The following ITGB2 variants were observed in gnomAD, a reference collection of about 807,000 sequenced individuals.
ITGB2 encodes the protein integrin subunit beta 2, also known as integrin beta-2.
ITGB2 carries 56 observed loss-of-function variants against 86.8 expected under a neutral mutation model. That is an observed-to-expected ratio of 0.65 (90% CI 0.52 to 0.81). ITGB2 has a LOEUF of 0.81. ITGB2 is among the 30% of genes least tolerant of loss of function. The pLI is 0.00. For missense variants in ITGB2, 948 were observed against 1,061.2 expected (o/e 0.89, Z 1.48); for synonymous variants, 457 against 450.4 (o/e 1.01, Z -0.19).
chr21:44,905,032 G>A (rs528099924), intron 4 of ITGB2, among the ~76,000 whole-genome samples: 75 of 152,338 alleles, frequency 4.9e-4, no homozygotes, highest in African/African-American at 1.6e-3. Context: ...GCCGTGCGGC[G>A]TCTGCAGCGA....
chr21:44,919,586 G>A (rs1601336214), intron 1 of ITGB2, among the ~76,000 whole-genome samples: 1 of 152,178 alleles, frequency 6.6e-6, no homozygotes, highest in Admixed American at 6.5e-5. Context: ...TCCAGAATCC[G>A]GCCTCAGCCC....
chr21:44,887,473 G>A (rs1250907720), intron 14 of ITGB2, among the ~76,000 whole-genome samples: 1 of 152,128 alleles, frequency 6.6e-6, no homozygotes, highest in East Asian at 1.9e-4. Flanking sequence ...ACAGACACTA[G>A]CGTTCAGTGC....
Position 44,896,922 on chromosome 21 carries a change from G to T in ITGB2, c.994-1862C>A, listed in dbSNP as rs962468873. On this transcript the variant is annotated intron_variant, in intron 8 of 15. Coordinates refer to ENST00000652462, the MANE Select transcript of ITGB2 (RefSeq NM_000211.5). ...CTGGCTGCCATGACAAATGGCAAAG[G>T]ATTGGGACCTGCTACTGCTGGTGAG... Among the ~76,000 whole-genome samples, 235 of 152,338 alleles carry T rather than the reference G, an allele frequency of 1.5e-3. 1 individual carries two copies. Among genetic ancestry groups the T allele is most frequent in the African/African-American group, 5.4e-3 (224 of 41,576 alleles).
rs558880815 is a variant in ITGB2, at chr21:44,928,657, A to G, written c.-7T>C. ...GGGTCGGGTGGGTGCCTCTTACCCT[A>G]ACTGAGGCTCTGCCCTGGACTCGGA... is the stretch of plus-strand genomic sequence containing the variant. On this transcript the variant is annotated 5_prime_UTR_variant, in exon 1 of 16. Transcript: ENST00000355153. 89 of 90,130 alleles carry G rather than the reference A, an allele frequency of 9.9e-4. 1 individual carries two copies. In the East Asian group the frequency reaches 0.027, roughly 27 times the overall value. 5.6% of individuals were successfully genotyped at this position (90,130 alleles called of 1,614,324 possible). A position where few individuals can be genotyped will look rare whatever the true frequency, so the allele number is the denominator to read the frequency against.
intron 14 of ITGB2, 113 bp downstream of exon 14, chr21:44,888,580 G>A: frequency 8.0e-7 from 1 of 1,246,068 alleles, no homozygotes; most frequent in Non-Finnish European, 1.1e-6. Flanking sequence ...CATCCACCCT[G>A]CTGGGCCCAC....
intron 8 of ITGB2, among the ~76,000 whole-genome samples, chr21:44,896,335 T>G (rs1437486378): frequency 6.6e-6 from 1 of 152,218 alleles, no homozygotes; most frequent in Non-Finnish European, 1.5e-5. Flanking sequence ...CTCTTGGCAC[T>G]CTACTGAGTT....
intron 1 of ITGB2, among the ~76,000 whole-genome samples, chr21:44,926,037 G>A (rs1016275434): frequency 3.3e-5 from 5 of 152,094 alleles, no homozygotes; most frequent in African/African-American, 4.8e-5. Context: ...CCTGGGAGGC[G>A]GAGCTTGCAG....
chr21:44,890,172 C>T lies in ITGB2; in HGVS notation c.1463G>A (p.Arg488Gln), dbSNP rs556160781. ...GKNCECQTQG[R>Q]SSQELEGSCR... The stretch of plus-strand genomic sequence containing the variant: ...GCTTCCTTCCAGCTCCTGGCTGCTC[C>T]GGCCCTGTGTCTGGCACTCACAGTT... Residue 488 changes from arginine to glutamine, a missense_variant, in exon 12 of 16, where the codon CGG (arginine) becomes CAG (glutamine). Physicochemically the swap from Arg to Gln is conservative, Grantham distance 43 (BLOSUM62 1). Transcript: ENST00000652462. 9 of 1,613,154 alleles carry T rather than the reference C, an allele frequency of 5.6e-6. No homozygotes were observed. Among genetic ancestry groups the T allele is most frequent in the Admixed American group, 1.7e-5 (1 of 59,996 alleles).
intron 1 of ITGB2, chr21:44,911,071 A>C: frequency 1.9e-6 from 1 of 529,008 alleles, no homozygotes; most frequent in Non-Finnish European, 3.5e-6. Flanking sequence ...ACACACACAC[A>C]TGCAGACGTG....
At chr21:44,923,891 A>G (rs73376557), upstream of ITGB2, among the ~76,000 whole-genome samples, 14,511 of 152,220 alleles carry the variant, frequency 0.095, 2,239 homozygotes, top group African/African-American at 0.33. Flanking sequence ...AACGGAAAAT[A>G]CACGTATGTG....
Position 44,903,446 on chromosome 21 carries a change from G to A in ITGB2, c.418C>T (p.Leu140Phe). The stretch of plus-strand genomic sequence containing the variant: ...TTCTTGACATTCCTGAGGTCATCAA[G>A]CATGGAGTAGGAGAGGTCCATCAGA... ...YYLMDLSYSM[L>F]DDLRNVKKLG... Residue 140 changes from leucine to phenylalanine, a missense_variant, in exon 5 of 16, where the codon CTT becomes TTT. Physicochemically the swap from Leu to Phe is conservative, Grantham distance 22 (BLOSUM62 0). Coordinates refer to ENST00000652462, the MANE Select transcript of ITGB2 (RefSeq NM_000211.5). 1.2e-6 allele frequency: 2 copies of A among 1,614,122 alleles called. No homozygotes were observed. Among genetic ancestry groups the A allele is most frequent in the Non-Finnish European group, 1.7e-6 (2 of 1,179,976 alleles).
At chr21:44,897,492 G>C (rs1294371880) in intron 8 of ITGB2, among the ~76,000 whole-genome samples, 1 of 152,330 alleles carries the variant, frequency 6.6e-6, no homozygotes, top group Non-Finnish European at 1.5e-5. Context: ...TCCGGATGAG[G>C]ATAATCGGGC....
rs572185882 is a variant in ITGB2, at chr21:44,900,023, T to C, written c.897+297A>G. ...GTAGCCTGGGGGCGGTTACTATACC[T>C]CCACAGCAGCTGTCAGCCCAGGTAG... On this transcript the variant is annotated intron_variant, in intron 7 of 15. Coordinates refer to ENST00000652462, the MANE Select transcript of ITGB2 (RefSeq NM_000211.5). 2.6e-4 allele frequency among the ~76,000 whole-genome samples: 39 copies of C among 151,524 alleles called. No homozygotes were observed. In the South Asian group the frequency reaches 4.8e-3, roughly 19 times the overall value.
At chr21:44,902,442 C>CGTGTGAGCATACATTCAT in intron 5 of ITGB2, among the ~76,000 whole-genome samples, 1 of 144,626 alleles carries the variant, frequency 6.9e-6, no homozygotes, top group Middle Eastern at 3.9e-3. Context: ...CATGCATTTG[C>CGTGTGAGCATACATTCAT]GTGTGAGCAT....
rs774665195 is a variant in ITGB2 at position 44,886,374 on chromosome 21, C to G, written c.2304G>C (p.Glu768Asp). 2 of 1,614,124 alleles carry G rather than the reference C, an allele frequency of 1.2e-6. No homozygotes were observed. The highest frequency in any genetic ancestry group is 2.2e-5 in the South Asian group (2 of 91,086). The part of the protein sequence containing the change: ...TTTVMNPKFA[E>D]S ...TTGTCTTCACCAAGTGCTCCTAACT[C>G]TCAGCAAACTTGGGGTTCATGACCG... is the stretch of plus-strand genomic sequence containing the variant. The change falls in exon 16 of 16, where the codon GAG becomes GAC. Residue 768 changes from glutamate to aspartate, a missense_variant. Physicochemically the swap from Glu to Asp is conservative, Grantham distance 45. Transcript: ENST00000652462.
In ITGB2 at chr21:44,903,529, G is replaced by A. The variant is rs374494108; in HGVS notation, c.335C>T (p.Ala112Val). 26 of 1,613,864 alleles carry A rather than the reference G, an allele frequency of 1.6e-5. No homozygotes were observed. The African/African-American group carries it at 3.1e-4, about 19-fold the overall frequency. ...CCGGAAGGTCACGTTGAACGCTGCT[G>A]CCTGGCCTGCCGGTGGGGACAGAAC... ...KVTLYLRPGQ[A>V]AAFNVTFRRA... Residue 112 changes from alanine to valine, a missense_variant, in exon 5 of 16, where the codon GCA (alanine) becomes GTA (valine). Coordinates refer to ENST00000652462, the MANE Select transcript of ITGB2 (RefSeq NM_000211.5).
At position 44,901,078 on chromosome 21, in the gene ITGB2, G is replaced by A. The variant is rs1207920914; in HGVS notation, c.741+414C>T. Among the ~76,000 whole-genome samples, 34 of 152,294 alleles carry A rather than the reference G, an allele frequency of 2.2e-4. 1 individual carries two copies. Among genetic ancestry groups the A allele is most frequent in the Admixed American group, 2.2e-3 (34 of 15,302 alleles). ...TCTGTTAGGCTGACAGTCACAAACT[G>A]GGTGGGCGGGACGTGGAGAGCGACA... On this transcript the variant is annotated intron_variant, in intron 6 of 15. Transcript: ENST00000652462.
intron 5 of ITGB2, 149 bp from the exon 6 acceptor site, chr21:44,901,882 G>C: frequency 1.2e-6 from 1 of 866,408 alleles, no homozygotes; most frequent in Non-Finnish European, 1.7e-6. Flanking sequence ...GTGTGTGTGA[G>C]CATGTGCGTT....
At chr21:44,904,765 A>G (rs1361100717) in intron 4 of ITGB2, among the ~76,000 whole-genome samples, 2 of 151,854 alleles carry the variant, frequency 1.3e-5, no homozygotes, top group Admixed American at 6.6e-5. Flanking sequence ...ACACCCATAC[A>G]CACACGTGCC....
Sources: gnomAD v4.1 joint callset for allele counts (sites outside exome capture counted in the v4.1 genomes callset) on GRCh38, gnomAD v4.1.1 for gene constraint, MANE v1.5 for transcripts, NCBI Gene and HGNC (gene_info 2026-07-23, HGNC 2026-07-21) for gene names.